GRID1: variants seen among roughly 807,000 people sequenced by gnomAD.
GRID1 encodes glutamate receptor ionotropic, delta-1.
Under a neutral mutation model 98.0 loss-of-function variants are expected in GRID1, and 28 were observed. The observed-to-expected ratio is 0.29, with a 90% CI of 0.21 to 0.39. The LOEUF is 0.39. Ranked by LOEUF, GRID1 falls within the 10% of genes least tolerant of loss-of-function variation. The pLI, the probability that GRID1 is intolerant of heterozygous loss-of-function variation, is 1.00. For missense variants in GRID1, 1,111 were observed against 1,340.5 expected (o/e 0.83, Z 2.67); for synonymous variants, 553 against 538.5 (o/e 1.03, Z -0.37).
At chr10:85,706,906 C>T (rs1009902640) in intron 12 of GRID1, among the ~76,000 whole-genome samples, 21 of 152,108 alleles carry the variant, frequency 1.4e-4, no homozygotes, top group Non-Finnish European at 5.9e-5. Flanking sequence ...ACTGGCTAGC[C>T]ATATGTAGAA....
chr10:86,244,483 T>C (rs556119250), intron 2 of GRID1, among the ~76,000 whole-genome samples: 6 of 152,384 alleles, frequency 3.9e-5, no homozygotes, highest in South Asian at 4.1e-4. Context: ...GTCTCTGATC[T>C]AGAAATCGGA....
intron 8 of GRID1, among the ~76,000 whole-genome samples, chr10:85,740,227 C>T (rs150721573): frequency 3.3e-5 from 5 of 152,198 alleles, no homozygotes; most frequent in African/African-American, 7.2e-5. Context: ...TGGGGACCTT[C>T]GGCAAATTGT....
intron 12 of GRID1, among the ~76,000 whole-genome samples, chr10:85,683,723 T>A (rs575083722): frequency 1.3e-5 from 2 of 152,300 alleles, no homozygotes; most frequent in East Asian, 1.9e-4. Flanking sequence ...AAAAACTAAA[T>A]CCATATTTTG....
At chr10:85,999,315 A>G (rs1842777939) in intron 4 of GRID1, among the ~76,000 whole-genome samples, 14 of 65,140 alleles carry the variant, frequency 2.1e-4, no homozygotes, top group Admixed American at 1.9e-3. Flanking sequence ...AAATAAATGT[A>G]ACACAGTTAA....
At chr10:85,930,052 A>G (rs1841827607) in intron 4 of GRID1, among the ~76,000 whole-genome samples, 1 of 152,236 alleles carries the variant, frequency 6.6e-6, no homozygotes, top group African/African-American at 2.4e-5. Flanking sequence ...CAAATAGTAG[A>G]CTATGATTAT....
At chr10:85,793,085 T>G (rs1842495633) in intron 8 of GRID1, among the ~76,000 whole-genome samples, 1 of 152,114 alleles carries the variant, frequency 6.6e-6, no homozygotes, top group Admixed American at 6.5e-5. Context: ...CATGCCTCCT[T>G]TCTGGAGCTC....
intron 12 of GRID1, among the ~76,000 whole-genome samples, chr10:85,693,566 G>A (rs1451383051): frequency 3.3e-5 from 5 of 151,964 alleles, no homozygotes; most frequent in Admixed American, 3.3e-4. Flanking sequence ...AAAACAGCAG[G>A]GTACTGGTAT....
At chr10:86,059,658 AC>A (rs945639521) in intron 4 of GRID1, among the ~76,000 whole-genome samples, 2 of 152,186 alleles carry the variant, frequency 1.3e-5, no homozygotes, top group Non-Finnish European at 2.9e-5. Context: ...GCCTGAAATG[AC>A]CTCAATCAAT....
intron 2 of GRID1, among the ~76,000 whole-genome samples, chr10:86,263,827 G>A (rs775316134): frequency 2.0e-5 from 3 of 152,210 alleles, no homozygotes; most frequent in Non-Finnish European, 4.4e-5. Flanking sequence ...CTAGACCACT[G>A]GGTTTCCCCA....
chr10:85,791,963 G>A (rs1172658002), intron 8 of GRID1, among the ~76,000 whole-genome samples: 1 of 152,072 alleles, frequency 6.6e-6, no homozygotes. Context: ...AATAAGAGAA[G>A]CAGCTGAGTC....
chr10:86,216,660 C>T (rs982061883), intron 2 of GRID1, among the ~76,000 whole-genome samples: 4 of 152,134 alleles, frequency 2.6e-5, no homozygotes, highest in African/African-American at 9.7e-5. Flanking sequence ...GAGAAAGCAA[C>T]GGTGCTGTCC....
In GRID1 at chr10:85,638,677, T is replaced by G. The variant is rs1031993351; in HGVS notation, c.2193+8525A>C. On this transcript the variant is annotated intron_variant, in intron 13 of 15. Transcript: ENST00000327946. ...AGACTAAGAATTATATTTATAGTAC[T>G]TATATTTGATCAAGGACTTCTATCC... Among the ~76,000 whole-genome samples the G allele has an allele frequency of 3.3e-5, 5 of 152,204 alleles. No homozygotes were observed. In the South Asian group the frequency reaches 1.0e-3, roughly 31 times the overall value.
intron 2 of GRID1, among the ~76,000 whole-genome samples, chr10:86,229,834 C>A (rs2132035170): frequency 6.6e-6 from 1 of 152,310 alleles, no homozygotes; most frequent in Non-Finnish European, 1.5e-5. Context: ...ACCTCTCCTT[C>A]AGATGACCTG....
rs79232515 is a variant in GRID1, at chr10:86,115,150, C to T, written c.726+23669G>A. Among the ~76,000 whole-genome samples, 834 of 152,226 alleles carry T rather than the reference C, an allele frequency of 5.5e-3. 21 individuals carry two copies. The East Asian group carries it at 0.077, about 14-fold the overall frequency. On this transcript the variant is annotated intron_variant, in intron 4 of 15. Transcript: ENST00000327946. ...GCTTGTGAGAGACAAGGGGAAGAGACAGAAACAGGAGTATTCTAAGAAGCA... is the reference window on the plus strand; with the variant it reads ...GCTTGTGAGAGACAAGGGGAAGAGATAGAAACAGGAGTATTCTAAGAAGCA...
intron 3 of GRID1, among the ~76,000 whole-genome samples, chr10:86,150,625 G>A (rs966512339): frequency 2.0e-5 from 3 of 152,152 alleles, no homozygotes; most frequent in African/African-American, 7.2e-5. Flanking sequence ...TGGCGTAATC[G>A]TAACAGCATG....
intron 14 of GRID1, among the ~76,000 whole-genome samples, chr10:85,616,144 A>G (rs368624907): frequency 2.0e-4 from 31 of 152,352 alleles, no homozygotes; most frequent in East Asian, 1.7e-3. Flanking sequence ...ATTGACCAGT[A>G]GCCTTATCCT....
At chr10:85,945,256 A>G (rs147974551) in intron 4 of GRID1, among the ~76,000 whole-genome samples, 32 of 152,374 alleles carry the variant, frequency 2.1e-4, no homozygotes, top group African/African-American at 7.5e-4. Flanking sequence ...GTTATGATTT[A>G]CTGTGATTAA....
At chr10:85,873,141 T>C (rs754026663) in intron 5 of GRID1, among the ~76,000 whole-genome samples, 5 of 152,190 alleles carry the variant, frequency 3.3e-5, no homozygotes, top group African/African-American at 4.8e-5. Flanking sequence ...CTCACTGATG[T>C]CAGGCTGCAC....
At chr10:86,199,180 T>C (rs1259603320) in intron 3 of GRID1, among the ~76,000 whole-genome samples, 1 of 152,126 alleles carries the variant, frequency 6.6e-6, no homozygotes, top group Non-Finnish European at 1.5e-5. Context: ...TGACCATGTG[T>C]GTCCACTCAG....
Sources: allele counts gnomAD v4.1 joint callset (sites outside exome capture counted in the v4.1 genomes callset), GRCh38; gene constraint gnomAD v4.1.1; transcripts MANE v1.5; gene names NCBI Gene and HGNC (gene_info 2026-07-23, HGNC 2026-07-21).